Variants in MPI observed in about 807,000 individuals in gnomAD.
The protein encoded by MPI is mannose phosphate isomerase, also known as mannose-6-phosphate isomerase.
In MPI, 33 loss-of-function variants were observed where a neutral mutation model predicts 40.1. That is an observed-to-expected ratio of 0.82 (90% CI 0.62 to 1.10). The LOEUF (loss-of-function observed/expected upper bound fraction) is 1.10, where lower values mean the gene tolerates loss of function less well. Among genes scored for constraint, MPI ranks in the 50% least tolerant of loss-of-function variants. The pLI is 0.00. For missense variants in MPI, 514 were observed against 524.1 expected, an observed-to-expected ratio of 0.98 and a Z score of 0.19; for synonymous variants, 187 against 207.4, an observed-to-expected ratio of 0.90 and a Z score of 0.85.
At chr15:74,892,889 G>T in intron 4 of MPI, 87 bp downstream of exon 4, 2 of 1,598,300 alleles carry the variant, frequency 1.3e-6, no homozygotes, top group Non-Finnish European at 8.6e-7. Context: ...CTGAGAACGG[G>T]TCACATGTCA....
At position 74,890,069 on chromosome 15, in the gene MPI, C is replaced by G. The variant is rs145533697; in HGVS notation, c.-5C>G. On this transcript the variant is annotated 5_prime_UTR_variant, in exon 1 of 8. Coordinates refer to ENST00000352410, the MANE Select transcript of MPI (RefSeq NM_002435.3). ...ACGTGCTTAATCCTGGTGCAGGGGGCGAGCATGGCCGCTCCGCGAGGTGAG... is the reference window on the plus strand; with the variant it reads ...ACGTGCTTAATCCTGGTGCAGGGGGGGAGCATGGCCGCTCCGCGAGGTGAG... 2.5e-6 allele frequency: 4 copies of G among 1,607,058 alleles called. No homozygotes were observed. Among genetic ancestry groups the G allele is most frequent in the Non-Finnish European group, 3.4e-6 (4 of 1,179,958 alleles).
In MPI at chr15:74,901,927, C is replaced by T. The variant is rs1267656799; in HGVS notation, c.*4197C>T. 2 of 395,540 alleles carry T rather than the reference C, an allele frequency of 5.1e-6. No homozygotes were observed. The highest frequency in any genetic ancestry group is 4.1e-5 in the African/African-American group (2 of 48,598). 24.5% of individuals were successfully genotyped at this position (395,540 alleles called of 1,614,324 possible). A position where few individuals can be genotyped will look rare whatever the true frequency, so the allele number is the denominator to read the frequency against. On this transcript the variant is annotated 3_prime_UTR_variant, in exon 8 of 8. Coordinates refer to ENST00000352410, the MANE Select transcript of MPI (RefSeq NM_002435.3). ...CAGTTTTTCTCTAACTAGGGAAGGGCAAACCAGAATCACTAAACTCACCCG... is the reference window on the plus strand; with the variant it reads ...CAGTTTTTCTCTAACTAGGGAAGGGTAAACCAGAATCACTAAACTCACCCG...
Position 74,897,037 on chromosome 15 carries a change from G to A in MPI, c.871G>A (p.Asp291Asn), listed in dbSNP as rs1312289762. ...GDCVECMACS[D>N]NTVRAGLTPK... ...CTGCGTGGAGTGCATGGCGTGTTCAGACAACACAGTTCGTGCTGGCCTGAC... is the reference window on the plus strand; with the variant it reads ...CTGCGTGGAGTGCATGGCGTGTTCAAACAACACAGTTCGTGCTGGCCTGAC... The change falls in exon 7 of 8, where the codon GAC (aspartate) becomes AAC (asparagine). Residue 291 changes from aspartate to asparagine, a missense_variant. Transcript: ENST00000352410. 6.2e-7 allele frequency: 1 copy of A among 1,614,174 alleles called. No individual in the cohort carries two copies. The highest frequency in any genetic ancestry group is 1.7e-5 in the Admixed American group (1 of 60,024).
At chr15:74,894,728 AGT>A (rs979852464) in intron 5 of MPI, among the ~76,000 whole-genome samples, 1 of 149,960 alleles carries the variant, frequency 6.7e-6, no homozygotes, top group Admixed American at 6.6e-5. Flanking sequence ...TGGAGGTTGC[AGT>A]GAGTCTAGAT....
rs1455848976 is a variant in MPI at position 74,897,679 on chromosome 15, G to A, written c.1221G>A (p.Lys407=). 4 of 1,614,190 alleles carry A rather than the reference G, an allele frequency of 2.5e-6. No individual in the cohort carries two copies. Among genetic ancestry groups the A allele is most frequent in the South Asian group, 2.2e-5 (2 of 91,090 alleles). ...GGGCCAATGAGAGTGTCTCACTGAA[G>A]CTTACTGAGCCGAAGGACCTGCTGA... The part of the protein sequence containing the change: ...FIGANESVSL[K]LTEPKDLLIF... Residue 407 remains lysine (K), a synonymous_variant, in exon 8 of 8, where the codon AAG becomes AAA. Coordinates refer to ENST00000352410, the MANE Select transcript of MPI (RefSeq NM_002435.3).
chr15:74,898,358 G>GAT lies in MPI; in HGVS notation c.*628_*629insAT. ...TACAGCTTCTCGGGGGAGTGAGCAG[G>GAT]CTACACTCCAGAACACCGGTATGGG... On this transcript the variant is annotated 3_prime_UTR_variant, in exon 8 of 8. Transcript: ENST00000352410. 1 of 176,658 alleles carries GAT rather than the reference G, an allele frequency of 5.7e-6. No individual in the cohort carries two copies. Among genetic ancestry groups the GAT allele is most frequent in the Admixed American group, 5.4e-5 (1 of 18,640 alleles). The allele number at this position is 176,658 out of a possible 1,614,324, so 10.9% of individuals were successfully genotyped here.
rs371649838 is a variant in MPI, at chr15:74,890,555, G to C, written c.45G>C (p.Gln15His). Residue 15 changes from glutamine (Q) to histidine (H), a missense_variant, in exon 2 of 8, where the codon CAG (glutamine) becomes CAC (histidine). Gln to His is a conservative substitution (Grantham distance 24). Transcript: ENST00000352410. ...RVFPLSCAVQ[Q>H]YAWGKMGSNS... is the part of the protein sequence containing the mutation. ...TCCCACTTTCCTGTGCGGTGCAGCA[G>C]TATGCCTGGGGGAAGATGGGTTCCA... The C allele has an allele frequency of 6.2e-7, 1 of 1,614,238 alleles. No homozygotes were observed. Among genetic ancestry groups the C allele is most frequent in the Non-Finnish European group, 8.5e-7 (1 of 1,180,048 alleles).
intron 1 of MPI, 31 bp downstream of exon 1, chr15:74,890,120 T>G (rs755379482): frequency 1.2e-6 from 2 of 1,607,138 alleles, no homozygotes; most frequent in Non-Finnish European, 8.5e-7. Context: ...TCGGCGAGTG[T>G]GTTCGTGGAG....
intron 5 of MPI, among the ~76,000 whole-genome samples, chr15:74,894,038 CAGTGTGTGTG>C (rs2064767636): frequency 4.5e-5 from 3 of 66,764 alleles, no homozygotes; most frequent in African/African-American, 1.1e-4. Context: ...TTTTTCTGTT[CAGTGTGTGTG>C]TGTGTGTGTG....
In MPI at chr15:74,900,020, G is replaced by GTAT. The variant is rs2064885312; in HGVS notation, c.*2292_*2293insTTA. ...TGTGATTGCATTTATTCTTATAAAT[G>GTAT]TACAGAGCTGTAGAAGTGCAAGCCA... On this transcript the variant is annotated 3_prime_UTR_variant, in exon 8 of 8. Transcript: ENST00000352410. 6.6e-6 allele frequency: 1 copy of GTAT among 152,226 alleles called. No homozygotes were observed. The highest frequency in any genetic ancestry group is 1.5e-5 in the Non-Finnish European group (1 of 68,048). The allele number at this position is 152,226 out of a possible 1,614,324, so 9.4% of individuals were successfully genotyped here.
rs1383371813 is a variant in MPI, at chr15:74,900,994, T to C, written c.*3264T>C. ...GGCCGTATCTTTTTATTAGACTTGC[T>C]CATCTTCTAGTCACCCCTTGTGGTA... On this transcript the variant is annotated 3_prime_UTR_variant, in exon 8 of 8. Transcript: ENST00000352410. 6.6e-6 allele frequency: 1 copy of C among 152,250 alleles called. No individual in the cohort carries two copies. The highest frequency in any genetic ancestry group is 2.4e-5 in the African/African-American group (1 of 41,460). The allele number at this position is 152,250 out of a possible 1,614,324, so 9.4% of individuals were successfully genotyped here.
Position 74,891,595 on chromosome 15 carries a change from C to A in MPI, c.345+16C>A. The A allele has an allele frequency of 1.2e-6, 2 of 1,612,722 alleles. No homozygotes were observed. The highest frequency in any genetic ancestry group is 1.7e-6 in the Non-Finnish European group (2 of 1,178,740). On this transcript the variant is annotated intron_variant, in intron 3 of 7. Transcript: ENST00000352410. ...CCCTAACAAGGTAAAGGACAGAGTG[C>A]GGTGCAGAGGTCAGGGTACAGAAGG...
intron 5 of MPI, 44 bp from the exon 6 acceptor site, chr15:74,896,108 T>G: frequency 6.8e-6 from 11 of 1,608,942 alleles, no homozygotes; most frequent in East Asian, 2.2e-5. Context: ...TGAACAGCAC[T>G]GAGTATCCCC....
chr15:74,891,162 A>G, intron 2 of MPI: 1 of 631,348 alleles, frequency 1.6e-6, no homozygotes, highest in Non-Finnish European at 2.8e-6. Flanking sequence ...AACTAGTCCA[A>G]GTCTTCATAG....
At chr15:74,894,083 T>TGTGTGTGTGTGTG (rs2064773219) in intron 5 of MPI, among the ~76,000 whole-genome samples, 1 of 63,124 alleles carries the variant, frequency 1.6e-5, no homozygotes, top group Non-Finnish European at 3.2e-5. Context: ...TGTGTGTGTG[T>TGTGTGTGTGTGTG]GTGTGTGTGT....
intron 5 of MPI, 95 bp downstream of exon 5, chr15:74,893,415 C>A: frequency 7.1e-7 from 1 of 1,408,778 alleles, no homozygotes; most frequent in Non-Finnish European, 1.0e-6. Flanking sequence ...CCCCCTTGCC[C>A]AAGTGGAACA....
chr15:74,890,725 G>C (rs1158460251), intron 2 of MPI, 71 bp downstream of exon 2: 15 of 1,602,126 alleles, frequency 9.4e-6, no homozygotes, highest in Middle Eastern at 1.6e-4. Context: ...CAAGTCATAA[G>C]AATCAGCTGG....
chr15:74,894,881 G>T (rs891803716), intron 5 of MPI, among the ~76,000 whole-genome samples: 1 of 151,950 alleles, frequency 6.6e-6, no homozygotes, highest in African/African-American at 2.4e-5. Flanking sequence ...ATTTTCCCTT[G>T]TCGTTTCCAG....
chr15:74,890,063 A>G lies in MPI; in HGVS notation c.-11A>G, dbSNP rs981260781. The G allele has an allele frequency of 4.4e-6, 7 of 1,606,776 alleles. No individual in the cohort carries two copies. The highest frequency in any genetic ancestry group is 1.7e-4 in the Middle Eastern group (1 of 5,800). On this transcript the variant is annotated 5_prime_UTR_variant, in exon 1 of 8. Transcript: ENST00000352410. Reference sequence around the variant, plus strand: ...AGGCATACGTGCTTAATCCTGGTGCAGGGGGCGAGCATGGCCGCTCCGCGA... The same window carrying G: ...AGGCATACGTGCTTAATCCTGGTGCGGGGGGCGAGCATGGCCGCTCCGCGA...
Sources: gnomAD v4.1 joint callset for allele counts (sites outside exome capture counted in the v4.1 genomes callset) on GRCh38, gnomAD v4.1.1 for gene constraint, MANE v1.5 for transcripts, NCBI Gene and HGNC (gene_info 2026-07-23, HGNC 2026-07-21) for gene names.